ENTREP2: variants seen among roughly 807,000 people sequenced by gnomAD.
ENTREP2 encodes the protein endosomal transmembrane epsin interactor 2.
the ENTREP2 span, among the ~76,000 whole-genome samples, chr15:29,400,010 ATGT>A: frequency 1.3e-5 from 2 of 152,168 alleles, no homozygotes; most frequent in Non-Finnish European, 2.9e-5. Context: ...GTTTAAACGC[ATGT>A]TGTTCAAGGT....
chr15:29,124,283 A>G, the ENTREP2 span, among the ~76,000 whole-genome samples: 1 of 152,188 alleles, frequency 6.6e-6, no homozygotes, highest in African/African-American at 2.4e-5. Flanking sequence ...GGACGCCAAC[A>G]AGGACCAGCG....
chr15:29,233,118 A>G, the ENTREP2 span, among the ~76,000 whole-genome samples: 804 of 152,312 alleles, frequency 5.3e-3, 12 homozygotes, highest in African/African-American at 0.018. Flanking sequence ...ATCAGGCTCT[A>G]TTCAAGGCTT....
At chr15:29,619,737 C>T in the ENTREP2 span, among the ~76,000 whole-genome samples, 14 of 152,226 alleles carry the variant, frequency 9.2e-5, no homozygotes, top group South Asian at 2.5e-3. Context: ...AGGGTAGAGG[C>T]TACGGATTTC....
the ENTREP2 span, among the ~76,000 whole-genome samples, chr15:29,470,420 T>C: frequency 5.9e-5 from 9 of 152,128 alleles, no homozygotes; most frequent in South Asian, 1.5e-3. Context: ...GCCAGCTCCC[T>C]TGCAAACTTC....
At chr15:29,610,508 A>T in the ENTREP2 span, 1 of 150,544 alleles carries the variant, frequency 6.6e-6, no homozygotes, top group Admixed American at 6.7e-5. Flanking sequence ...AACAAAAACA[A>T]ATAGCAAAAG....
the ENTREP2 span, among the ~76,000 whole-genome samples, chr15:29,202,690 G>A: frequency 6.6e-6 from 1 of 152,042 alleles, no homozygotes; most frequent in Non-Finnish European, 1.5e-5. Context: ...CTGTGTCCAT[G>A]TGTTCTCACT....
At chr15:29,224,450 A>T in the ENTREP2 span, among the ~76,000 whole-genome samples, 1 of 152,122 alleles carries the variant, frequency 6.6e-6, no homozygotes, top group Non-Finnish European at 1.5e-5. Flanking sequence ...GGCCCCACCC[A>T]CATCCTGCTG....
the ENTREP2 span, among the ~76,000 whole-genome samples, chr15:29,544,065 G>T: frequency 6.6e-6 from 1 of 151,684 alleles, no homozygotes; most frequent in African/African-American, 2.4e-5. Flanking sequence ...TTTATTAAAA[G>T]TATTTTTGCT....
the ENTREP2 span, among the ~76,000 whole-genome samples, chr15:29,429,261 G>A: frequency 6.6e-6 from 1 of 151,790 alleles, no homozygotes; most frequent in Non-Finnish European, 1.5e-5. Context: ...TTGCTCTGTG[G>A]CCCAAGCTGG....
chr15:29,547,240 C>A, the ENTREP2 span, among the ~76,000 whole-genome samples: 14 of 139,848 alleles, frequency 1.0e-4, no homozygotes, highest in Admixed American at 4.9e-4. Flanking sequence ...TGCATGCCAC[C>A]ACACCTGGCT....
At chr15:29,522,099 A>G in the ENTREP2 span, among the ~76,000 whole-genome samples, 109 of 152,352 alleles carry the variant, frequency 7.2e-4, 1 homozygote, top group Admixed American at 7.1e-3. Flanking sequence ...ATAAACCTCA[A>G]TCCATATCTC....
chr15:29,531,291 T>C, the ENTREP2 span, among the ~76,000 whole-genome samples: 1 of 152,234 alleles, frequency 6.6e-6, no homozygotes, highest in Non-Finnish European at 1.5e-5. Flanking sequence ...GAATGCCTAC[T>C]ATTCATTTTA....
the ENTREP2 span, among the ~76,000 whole-genome samples, chr15:29,590,083 T>C: frequency 2.0e-5 from 3 of 152,160 alleles, no homozygotes; most frequent in Non-Finnish European, 2.9e-5. Context: ...GAAGATCTTA[T>C]TGTCCTTTGA....
At chr15:29,563,483 C>G in the ENTREP2 span, among the ~76,000 whole-genome samples, 6 of 152,168 alleles carry the variant, frequency 3.9e-5, no homozygotes, top group African/African-American at 1.4e-4. Context: ...TGACATCTCT[C>G]TGTTCTCCTT....
At chr15:29,570,567 C>A in the ENTREP2 span, 1 of 1,470,416 alleles carries the variant, frequency 6.8e-7, no homozygotes, top group Admixed American at 2.3e-5. Flanking sequence ...AGCGCCAGCG[C>A]GGCGAAGCTG....
chr15:29,636,148 G>A, the ENTREP2 span, among the ~76,000 whole-genome samples: 3 of 152,198 alleles, frequency 2.0e-5, no homozygotes, highest in African/African-American at 7.2e-5. Context: ...ACCAGCTCCT[G>A]CAACTCTCAC....
chr15:29,654,428 G>A, the ENTREP2 span, among the ~76,000 whole-genome samples: 1 of 151,988 alleles, frequency 6.6e-6, no homozygotes, highest in Non-Finnish European at 1.5e-5. Context: ...ACTGAAAGTA[G>A]AACATACGCT....
At chr15:29,159,369 G>A in the ENTREP2 span, among the ~76,000 whole-genome samples, 285 of 152,274 alleles carry the variant, frequency 1.9e-3, 2 homozygotes, top group African/African-American at 6.7e-3. Flanking sequence ...AAGGTGGACC[G>A]AGAGAGTGAG....
the ENTREP2 span, among the ~76,000 whole-genome samples, chr15:29,224,416 G>C: frequency 5.9e-5 from 9 of 152,130 alleles, no homozygotes; most frequent in Admixed American, 4.6e-4. Context: ...TGCTGGCTCG[G>C]GCAGCCCGCT....
Sources: allele counts gnomAD v4.1 joint callset (sites outside exome capture counted in the v4.1 genomes callset), GRCh38; gene constraint gnomAD v4.1.1; transcripts MANE v1.5; gene names NCBI Gene and HGNC (gene_info 2026-07-23, HGNC 2026-07-21).